Variants in KDM4C observed in about 807,000 individuals in gnomAD.
KDM4C encodes the protein lysine demethylase 4C.
A neutral mutation model predicts 129.3 loss-of-function variants in KDM4C; 81 were observed. The ratio of observed to expected loss-of-function variants is 0.63; its 90% CI spans 0.52 to 0.75. The LOEUF (loss-of-function observed/expected upper bound fraction) is 0.75, where lower values mean the gene tolerates loss of function less well. Ranked by LOEUF, KDM4C falls within the 30% of genes least tolerant of loss-of-function variation. The probability of loss-of-function intolerance (pLI) is 0.00; values close to 1 mark genes in which losing one functional copy is unlikely to be tolerated. For synonymous variants in KDM4C, 573 were observed against 456.1 expected (o/e 1.26, Z -3.26); for missense variants, 1,457 against 1,304.0 (o/e 1.12, Z -1.81).
chr9:7,171,244 A>AC (rs143221318), intron 21 of KDM4C, among the ~76,000 whole-genome samples: 5,648 of 152,154 alleles, frequency 0.037, 156 homozygotes, highest in East Asian at 0.15. Flanking sequence ...GGACCCACAC[A>AC]CCTGTAAATA....
chr9:6,995,746 A>C lies in KDM4C; in HGVS notation c.1786+5222A>C, dbSNP rs112554475. Among the ~76,000 whole-genome samples the C allele has an allele frequency of 3.5e-3, 527 of 151,842 alleles. 4 individuals are homozygous for C. Among genetic ancestry groups the C allele is most frequent in the African/African-American group, 0.012 (493 of 41,382 alleles). On this transcript the variant is annotated intron_variant, in intron 12 of 21. Transcript: ENST00000381309. Reference sequence around the variant, plus strand: ...GAGTGCAGTGGCGCAGTCTCAGCTCACTGCAAGCTCTGCCTGCTGGGTTCA... The same window carrying C: ...GAGTGCAGTGGCGCAGTCTCAGCTCCCTGCAAGCTCTGCCTGCTGGGTTCA...
intron 19 of KDM4C, among the ~76,000 whole-genome samples, chr9:7,163,610 G>C (rs368585066): frequency 6.6e-6 from 1 of 151,988 alleles, no homozygotes; most frequent in South Asian, 2.1e-4. Context: ...GAGCTGATGC[G>C]ACTCTCTAAC....
chr9:6,810,872 C>CAAAA (rs923320754), intron 3 of KDM4C, among the ~76,000 whole-genome samples: 3 of 151,272 alleles, frequency 2.0e-5, no homozygotes, highest in Non-Finnish European at 2.9e-5. Flanking sequence ...ACCCTGTCTC[C>CAAAA]AAAAAAATAA....
intron 15 of KDM4C, among the ~76,000 whole-genome samples, chr9:7,026,089 C>A (rs1366239454): frequency 1.3e-5 from 2 of 151,872 alleles, no homozygotes; most frequent in African/African-American, 4.8e-5. Context: ...ACCTGTAATC[C>A]CAGCTACCTG....
chr9:6,782,214 T>G (rs1274890922), intron 1 of KDM4C, among the ~76,000 whole-genome samples: 2 of 152,116 alleles, frequency 1.3e-5, no homozygotes, highest in African/African-American at 4.8e-5. Flanking sequence ...CCGAGAGCAT[T>G]TAAAAAGGAC....
At chr9:6,808,099 G>T (rs1272289351) in intron 3 of KDM4C, among the ~76,000 whole-genome samples, 1 of 56,420 alleles carries the variant, frequency 1.8e-5, no homozygotes. Context: ...CCGGCCAGCC[G>T]CCCCGTCCGG....
intron 17 of KDM4C, among the ~76,000 whole-genome samples, chr9:7,052,894 A>AGAGCGAGC (rs1554718519): frequency 9.5e-6 from 1 of 105,468 alleles, no homozygotes; most frequent in Admixed American, 9.4e-5. Flanking sequence ...AGAGAGAGAG[A>AGAGCGAGC]GAGAGAGCGA....
At chr9:6,927,466 G>A (rs74309244) in intron 8 of KDM4C, among the ~76,000 whole-genome samples, 11,423 of 152,144 alleles carry the variant, frequency 0.075, 1,166 homozygotes, top group African/African-American at 0.23. Context: ...AGTAACTGTA[G>A]CTTCTATATT....
intron 19 of KDM4C, among the ~76,000 whole-genome samples, chr9:7,154,178 G>A (rs945829209): frequency 2.0e-5 from 3 of 152,218 alleles, no homozygotes; most frequent in African/African-American, 7.2e-5. Flanking sequence ...CTGGGCAGCC[G>A]AACAGATGAC....
chr9:6,758,114 C>A lies in KDM4C; in HGVS notation c.-107C>A. 1.0e-6 allele frequency: 1 copy of A among 985,594 alleles called. No homozygotes were observed. Among genetic ancestry groups the A allele is most frequent in the Non-Finnish European group, 1.2e-6 (1 of 830,054 alleles). The allele number at this position is 985,594 out of a possible 1,614,324, so 61.1% of individuals were successfully genotyped here. ...CTGTCACCTAGTGCGGAACAAGTCTCCCAAATTTCCCAAATCTCCCTGGGC... is the reference window on the plus strand; with the variant it reads ...CTGTCACCTAGTGCGGAACAAGTCTACCAAATTTCCCAAATCTCCCTGGGC... On this transcript the variant is annotated 5_prime_UTR_variant, in exon 1 of 22. Transcript: ENST00000381309. This position sits in a 1 kb window ranked among gnomAD's most constrained non-coding sequence, Gnocchi z 4.6.
At chr9:6,835,748 C>T (rs139676229) in intron 4 of KDM4C, among the ~76,000 whole-genome samples, 244 of 152,228 alleles carry the variant, frequency 1.6e-3, no homozygotes, top group Non-Finnish European at 1.6e-3. Context: ...TGACAGCAGT[C>T]GGTTGGAGTG....
chr9:7,121,690 C>T (rs527672924), intron 18 of KDM4C, among the ~76,000 whole-genome samples: 25 of 152,086 alleles, frequency 1.6e-4, no homozygotes, highest in Admixed American at 9.2e-4. Context: ...AGACATGCTC[C>T]AAATCCAAGT....
In KDM4C at chr9:7,096,416, C is replaced by A. The variant is rs181954907; in HGVS notation, c.2425-7269C>A. On this transcript the variant is annotated intron_variant, in intron 17 of 21. Transcript: ENST00000381309. Reference sequence around the variant, plus strand: ...TCTAGGAAAAAAGGGCAGGAAGCATCCAGAGGCTGGCTTGTTTCACCCACA... The same window carrying A: ...TCTAGGAAAAAAGGGCAGGAAGCATACAGAGGCTGGCTTGTTTCACCCACA... Among the ~76,000 whole-genome samples, 136 of 152,304 alleles carry A rather than the reference C, an allele frequency of 8.9e-4. 1 individual carries two copies. Among genetic ancestry groups the A allele is most frequent in the African/African-American group, 3.1e-3 (129 of 41,574 alleles).
intron 2 of KDM4C, among the ~76,000 whole-genome samples, chr9:6,800,754 G>C (rs1828795326): frequency 6.6e-6 from 1 of 152,056 alleles, no homozygotes; most frequent in South Asian, 2.1e-4. Flanking sequence ...AGCCTCCCGA[G>C]TAGCTAGGAC....
intron 19 of KDM4C, among the ~76,000 whole-genome samples, chr9:7,164,813 C>G (rs1450209302): frequency 1.3e-5 from 2 of 152,158 alleles, no homozygotes; most frequent in East Asian, 3.9e-4. Context: ...TTAATAGTCT[C>G]TTTCTATGTC....
At chr9:6,944,416 A>T (rs1341076976) in intron 8 of KDM4C, among the ~76,000 whole-genome samples, 1 of 152,188 alleles carries the variant, frequency 6.6e-6, no homozygotes, top group East Asian at 1.9e-4. Flanking sequence ...TACATTGTTC[A>T]AAAGAGCTGC....
At chr9:6,985,956 G>T (rs942077398) in intron 10 of KDM4C, among the ~76,000 whole-genome samples, 1 of 152,206 alleles carries the variant, frequency 6.6e-6, no homozygotes, top group African/African-American at 2.4e-5. Context: ...CTCCCAAAGT[G>T]CTGGGATTAC....
chr9:6,945,320 C>T (rs1343314611), intron 8 of KDM4C, among the ~76,000 whole-genome samples: 1 of 152,054 alleles, frequency 6.6e-6, no homozygotes, highest in African/African-American at 2.4e-5. Context: ...AAACAATTAA[C>T]TAAACCAATT....
At position 6,986,499 on chromosome 9, in the gene KDM4C, G is replaced by A. The variant is rs774702584; in HGVS notation, c.1510G>A (p.Glu504Lys). 16 of 1,613,974 alleles carry A rather than the reference G, an allele frequency of 9.9e-6. No individual in the cohort carries two copies. The highest frequency in any genetic ancestry group is 2.2e-5 in the East Asian group (1 of 44,888). The stretch of plus-strand genomic sequence containing the variant: ...GAAGCCCGAGAAATCAGACCCATCC[G>A]AGCTTTCATGGCCAAAGTCACCTGA... ...YEKPEKSDPSELSWPKSPESC... is the reference protein window; with the variant it reads ...YEKPEKSDPSKLSWPKSPESC... Residue 504 changes from glutamate (E) to lysine (K), a missense_variant, in exon 11 of 22, where the codon GAG becomes AAG. By Grantham distance (56) the Glu-to-Lys change is moderately conservative. Coordinates refer to ENST00000381309, the MANE Select transcript of KDM4C (RefSeq NM_015061.6).
Sources: gnomAD v4.1 joint callset for allele counts (sites outside exome capture counted in the v4.1 genomes callset) on GRCh38, gnomAD v4.1.1 for gene constraint, Gnocchi (gnomAD v3.1) non-coding constraint, MANE v1.5 for transcripts, NCBI Gene and HGNC (gene_info 2026-07-23, HGNC 2026-07-21) for gene names.